EPHA3: variants seen among roughly 807,000 people sequenced by gnomAD.
EPHA3 encodes EPH receptor A3.
EPHA3 carries 42 observed loss-of-function variants against 107.1 expected under a neutral mutation model. The observed-to-expected ratio is 0.39, with a 90% CI of 0.31 to 0.51. EPHA3 has a LOEUF of 0.51. EPHA3 is among the 20% of genes least tolerant of loss of function. EPHA3 has a pLI of 0.78. For missense variants in EPHA3, 1,183 were observed against 1,211.2 expected, an observed-to-expected ratio of 0.98 and a Z score of 0.35; for synonymous variants, 461 against 424.8, an observed-to-expected ratio of 1.09 and a Z score of -1.05.
intron 2 of EPHA3, among the ~76,000 whole-genome samples, chr3:89,175,069 A>ATTTTTTTTTTTTTT (rs11425521): frequency 7.2e-6 from 1 of 138,640 alleles, no homozygotes. Flanking sequence ...AAGTGATAGC[A>ATTTTTTTTTTTTTT]TTTTTTTTTT....
At chr3:89,300,719 G>A (rs1286139335) in intron 3 of EPHA3, among the ~76,000 whole-genome samples, 1 of 152,020 alleles carries the variant, frequency 6.6e-6, no homozygotes, top group Non-Finnish European at 1.5e-5. Flanking sequence ...ATACGGCTCT[G>A]TACTCCAAGA....
At chr3:89,415,933 C>G (rs1709238026) in intron 10 of EPHA3, among the ~76,000 whole-genome samples, 1 of 151,510 alleles carries the variant, frequency 6.6e-6, no homozygotes, top group African/African-American at 2.4e-5. Flanking sequence ...AAAGCCCATG[C>G]TGGACACTGG....
At chr3:89,249,106 T>C (rs1344345304) in intron 3 of EPHA3, among the ~76,000 whole-genome samples, 1 of 152,182 alleles carries the variant, frequency 6.6e-6, no homozygotes, top group African/African-American at 2.4e-5. Context: ...AATGCCACTT[T>C]TGGGTGGAAG....
chr3:89,312,775 T>C (rs1381755186), intron 3 of EPHA3, among the ~76,000 whole-genome samples: 1 of 151,902 alleles, frequency 6.6e-6, no homozygotes, highest in African/African-American at 2.4e-5. Flanking sequence ...GTGTGGTTCC[T>C]CACCATGTGT....
intron 2 of EPHA3, among the ~76,000 whole-genome samples, chr3:89,203,333 AAC>A (rs72188239): frequency 0.67 from 89,258 of 133,776 alleles, 31,373 homozygotes; most frequent in South Asian, 0.82. Flanking sequence ...TTAAAAAAAA[AAC>A]AAAACAAAAC....
At chr3:89,185,974 A>AT (rs532456419) in intron 2 of EPHA3, among the ~76,000 whole-genome samples, 3 of 150,990 alleles carry the variant, frequency 2.0e-5, no homozygotes, top group Admixed American at 1.3e-4. Context: ...AAGAAGGTTC[A>AT]TTTTTTTTCT....
chr3:89,427,346 A>T (rs530736466), intron 11 of EPHA3, among the ~76,000 whole-genome samples: 3 of 152,016 alleles, frequency 2.0e-5, no homozygotes, highest in African/African-American at 7.2e-5. Context: ...AGAGTTTTTT[A>T]CACATGAAAG....
intron 3 of EPHA3, among the ~76,000 whole-genome samples, chr3:89,278,219 G>A (rs1019714904): frequency 3.9e-5 from 6 of 151,908 alleles, no homozygotes; most frequent in Non-Finnish European, 8.8e-5. Flanking sequence ...TTAATCCCAG[G>A]CATATTGAAA....
intron 7 of EPHA3, among the ~76,000 whole-genome samples, chr3:89,406,308 G>A (rs997248721): frequency 2.8e-4 from 43 of 152,234 alleles, no homozygotes; most frequent in African/African-American, 8.7e-4. Flanking sequence ...TCCCCACTCC[G>A]GAATGACTGA....
At chr3:89,207,502 G>A (rs1706134481) in intron 2 of EPHA3, among the ~76,000 whole-genome samples, 1 of 152,046 alleles carries the variant, frequency 6.6e-6, no homozygotes, top group Non-Finnish European at 1.5e-5. Flanking sequence ...TGAATTTTAG[G>A]CAGTAGTATT....
intron 3 of EPHA3, among the ~76,000 whole-genome samples, chr3:89,214,324 A>G (rs1481517073): frequency 6.6e-6 from 1 of 151,954 alleles, no homozygotes; most frequent in Non-Finnish European, 1.5e-5. Context: ...CCACTGCACA[A>G]TATACAGCAC....
chr3:89,398,376 C>T (rs1309791387), intron 6 of EPHA3, among the ~76,000 whole-genome samples: 1 of 152,122 alleles, frequency 6.6e-6, no homozygotes, highest in Non-Finnish European at 1.5e-5. Context: ...CACAAAGAGA[C>T]CACTAAAATG....
intron 15 of EPHA3, among the ~76,000 whole-genome samples, chr3:89,460,963 C>T (rs1214475336): frequency 2.4e-5 from 3 of 124,572 alleles, no homozygotes; most frequent in African/African-American, 9.4e-5. Flanking sequence ...TCTCCCAATG[C>T]TATCCCTCCC....
chr3:89,402,239 T>C (rs1297951234), intron 7 of EPHA3, among the ~76,000 whole-genome samples: 2 of 152,196 alleles, frequency 1.3e-5, no homozygotes, highest in Admixed American at 6.5e-5. Context: ...TTAGGAAATA[T>C]CTCATTCGAA....
Position 89,366,460 on chromosome 3 carries a change from A to G in EPHA3, c.1306+24370A>G, listed in dbSNP as rs558658676. On this transcript the variant is annotated intron_variant, in intron 5 of 16. Transcript: ENST00000336596. ...AGAATTGATGAAATTAAGGCAAAAAACAGGTATTCTATGCGGGTGGTTGTA... is the reference window on the plus strand; with the variant it reads ...AGAATTGATGAAATTAAGGCAAAAAGCAGGTATTCTATGCGGGTGGTTGTA... 1.3e-4 allele frequency among the ~76,000 whole-genome samples: 20 copies of G among 151,030 alleles called. 1 individual carries two copies. Among genetic ancestry groups the G allele is most frequent in the African/African-American group, 4.6e-4 (19 of 41,440 alleles).
chr3:89,394,745 A>T (rs72923603), intron 5 of EPHA3, among the ~76,000 whole-genome samples: 2,116 of 152,322 alleles, frequency 0.014, 56 homozygotes, highest in African/African-American at 0.048. Context: ...ATGGTCCTTG[A>T]TTTGAGAAAA....
At chr3:89,212,804 G>T (rs1704134180) in intron 3 of EPHA3, among the ~76,000 whole-genome samples, 1 of 152,084 alleles carries the variant, frequency 6.6e-6, no homozygotes, top group South Asian at 2.1e-4. Context: ...TGTCACTGAA[G>T]AATTTGTTGC....
intron 3 of EPHA3, among the ~76,000 whole-genome samples, chr3:89,333,385 C>T (rs1707331297): frequency 6.6e-6 from 1 of 152,162 alleles, no homozygotes; most frequent in Admixed American, 6.5e-5. Flanking sequence ...TTATCTTACT[C>T]ATATTTTTAG....
intron 3 of EPHA3, among the ~76,000 whole-genome samples, chr3:89,312,235 G>T (rs547662650): frequency 4.5e-4 from 68 of 151,938 alleles, no homozygotes; most frequent in Non-Finnish European, 9.0e-4. Flanking sequence ...TGCACTTAAA[G>T]ATTATAATAA....
Sources: gnomAD v4.1 joint callset for allele counts (sites outside exome capture counted in the v4.1 genomes callset) on GRCh38, gnomAD v4.1.1 for gene constraint, MANE v1.5 for transcripts, NCBI Gene and HGNC (gene_info 2026-07-23, HGNC 2026-07-21) for gene names.